Variants in SP140 observed in about 807,000 individuals in gnomAD.
The protein encoded by SP140 is SP140 nuclear body protein.
Under a neutral mutation model 125.0 loss-of-function variants are expected in SP140, and 81 were observed. The ratio of observed to expected loss-of-function variants is 0.65; its 90% confidence interval spans 0.54 to 0.78. The LOEUF (loss-of-function observed/expected upper bound fraction) is 0.78, where lower values mean the gene tolerates loss of function less well. SP140 is among the 30% of genes least tolerant of loss of function. The probability of loss-of-function intolerance (pLI) is 0.00; values close to 1 mark genes in which losing one functional copy is unlikely to be tolerated. For synonymous variants in SP140, 312 were observed against 354.0 expected (o/e 0.88, Z 1.33); for missense variants, 858 against 1,037.0 (o/e 0.83, Z 2.37).
downstream of SP140, among the ~76,000 whole-genome samples, chr2:230,315,405 A>G (rs1317553802): frequency 2.6e-5 from 4 of 152,260 alleles, no homozygotes; most frequent in Non-Finnish European, 2.9e-5. Flanking sequence ...AGTTGATGCT[A>G]ATCCCTGGGG....
At position 230,299,608 on chromosome 2, in the gene SP140, G is replaced by A. The variant is rs1327832306; in HGVS notation, c.2058+2146G>A. Among the ~76,000 whole-genome samples, 4 of 152,330 alleles carry A rather than the reference G, an allele frequency of 2.6e-5. No homozygotes were observed. The East Asian group carries it at 5.8e-4, about 22-fold the overall frequency. On this transcript the variant is annotated intron_variant, in intron 22 of 26. Transcript: ENST00000392045. ...ATTTTCCTGGTCAGAATCTGGGGGTGTGAACCTGAAGTACAGATATAAGTG... is the reference window on the plus strand; with the variant it reads ...ATTTTCCTGGTCAGAATCTGGGGGTATGAACCTGAAGTACAGATATAAGTG...
At chr2:230,251,596 G>T (rs1297447480) in intron 10 of SP140, among the ~76,000 whole-genome samples, 1 of 152,090 alleles carries the variant, frequency 6.6e-6, no homozygotes. Flanking sequence ...GAATGAAAAA[G>T]CTTATCATCC....
At chr2:230,241,243 T>G (rs2048682657) in intron 3 of SP140, among the ~76,000 whole-genome samples, 161 bp from the exon 4 acceptor site, 1 of 152,110 alleles carries the variant, frequency 6.6e-6, no homozygotes. Flanking sequence ...TGATTTACAC[T>G]TAAGATATGT....
At chr2:230,269,486 C>A in intron 12 of SP140, 46 bp from the exon 13 acceptor site, 11 of 1,184,664 alleles carry the variant, frequency 9.3e-6, no homozygotes, top group South Asian at 2.4e-5. Context: ...CTTCTGTGGT[C>A]ATTGTCTCAG....
intron 1 of SP140, chr2:230,212,947 G>A (rs1225041372): frequency 6.2e-7 from 1 of 1,613,948 alleles, no homozygotes; most frequent in African/African-American, 1.3e-5. Context: ...GGGGTATGGA[G>A]GGAGCTTCCT....
intron 21 of SP140, 143 bp from the exon 22 acceptor site, chr2:230,297,278 G>A: frequency 2.2e-6 from 2 of 914,756 alleles, no homozygotes; most frequent in South Asian, 1.8e-5. Flanking sequence ...AGCCACCCCA[G>A]CCTACTGGCC....
At position 230,211,407 on chromosome 2, in the gene SP140, G is replaced by A. The variant is rs1318210454; in HGVS notation, c.-322-2247G>A. The A allele has an allele frequency of 9.5e-7, 1 of 1,057,006 alleles. No homozygotes were observed. Among genetic ancestry groups the A allele is most frequent in the Non-Finnish European group, 1.5e-6 (1 of 672,062 alleles). 65.5% of individuals were successfully genotyped at this position (1,057,006 alleles called of 1,614,324 possible). ...GCCCCCTCTCTAGAAGATCCGAATGGCTTTTCCTCTTAGTAAACACAGAAA... is the reference window on the plus strand; with the variant it reads ...GCCCCCTCTCTAGAAGATCCGAATGACTTTTCCTCTTAGTAAACACAGAAA... On this transcript the variant is annotated intron_variant, in intron 1 of 4. Coordinates refer to the SP140 transcript ENST00000456542. This position sits in a 1 kb window ranked among gnomAD's most constrained non-coding sequence, Gnocchi z 4.2.
At chr2:230,216,173 T>C (rs1167354551) in intron 3 of SP140, among the ~76,000 whole-genome samples, 1 of 152,238 alleles carries the variant, frequency 6.6e-6, no homozygotes. Flanking sequence ...GAGTTGAATG[T>C]TGGATGGATA....
intron 15 of SP140, among the ~76,000 whole-genome samples, chr2:230,274,177 G>A (rs1439890043): frequency 6.6e-6 from 1 of 151,844 alleles, no homozygotes; most frequent in African/African-American, 2.4e-5. Flanking sequence ...CATGTCTAAT[G>A]GAGGAAATCA....
intron 11 of SP140, among the ~76,000 whole-genome samples, chr2:230,255,078 A>G (rs1404283932): frequency 6.6e-6 from 1 of 152,166 alleles, no homozygotes; most frequent in African/African-American, 2.4e-5. Flanking sequence ...TCAGGGGTGC[A>G]AGAGAAAAGG....
intron 7 of SP140, 106 bp downstream of exon 7, chr2:230,246,046 T>C (rs1227705989): frequency 3.0e-6 from 2 of 677,224 alleles, no homozygotes; most frequent in Non-Finnish European, 2.7e-6. Flanking sequence ...TTCATCCATA[T>C]ATCCATCCAT....
At chr2:230,271,856 T>C (rs754461218) in intron 15 of SP140, among the ~76,000 whole-genome samples, 45 of 152,154 alleles carry the variant, frequency 3.0e-4, no homozygotes, top group Non-Finnish European at 5.3e-4. Flanking sequence ...CCCTGGGAAG[T>C]AGTGAAAGGT....
chr2:230,312,485 CT>C lies in SP140; in HGVS notation c.2506-91del, dbSNP rs3086614. 9.2e-3 allele frequency: 6,123 copies of C among 665,300 alleles called. 1 individual carries two copies. Among genetic ancestry groups the C allele is most frequent in the East Asian group, 0.022 (657 of 29,628 alleles). 41.2% of individuals were successfully genotyped at this position (665,300 alleles called of 1,614,324 possible). A position where few individuals can be genotyped will look rare whatever the true frequency, so the allele number is the denominator to read the frequency against. ...CATTATAAATTGTAGACTTACAGTA[CT>C]TTTTTTTTTAAAGACAAGAGTCCTG... On this transcript the variant is annotated intron_variant, in intron 26 of 26. Transcript: ENST00000392045.
intron 1 of SP140, among the ~76,000 whole-genome samples, chr2:230,226,867 T>C (rs957830803): frequency 6.6e-6 from 1 of 151,882 alleles, no homozygotes; most frequent in Non-Finnish European, 1.5e-5. Context: ...AAATATTTTC[T>C]AAAAATTAAA....
chr2:230,192,911 TTC>T, the SP140 span, among the ~76,000 whole-genome samples: 1 of 152,222 alleles, frequency 6.6e-6, no homozygotes, highest in African/African-American at 2.4e-5. Context: ...TTTTTTGACT[TTC>T]TGTCTCAATG....
chr2:230,231,439 G>T (rs1302858799), intron 1 of SP140, among the ~76,000 whole-genome samples: 3 of 152,136 alleles, frequency 2.0e-5, no homozygotes, highest in Non-Finnish European at 4.4e-5. Flanking sequence ...GTTTGTTCTA[G>T]CTGTAGGTGG....
At chr2:230,234,926 T>C (rs1401422263) in intron 1 of SP140, 1 of 152,254 alleles carries the variant, frequency 6.6e-6, no homozygotes, top group Non-Finnish European at 1.5e-5. Flanking sequence ...GTTTTACTCC[T>C]TAATGTTGTA....
At chr2:230,239,530 T>C (rs2048424507) in intron 3 of SP140, among the ~76,000 whole-genome samples, 1 of 152,226 alleles carries the variant, frequency 6.6e-6, no homozygotes, top group Non-Finnish European at 1.5e-5. Flanking sequence ...TACTGCAACC[T>C]CCACCTCCTG....
At chr2:230,217,411 A>T (rs917069895) in intron 3 of SP140, among the ~76,000 whole-genome samples, 2 of 152,164 alleles carry the variant, frequency 1.3e-5, no homozygotes, top group Non-Finnish European at 2.9e-5. Flanking sequence ...GGAAACAAGG[A>T]CAATTCCCAG....
Sources: allele counts gnomAD v4.1 joint callset (sites outside exome capture counted in the v4.1 genomes callset), GRCh38; gene constraint gnomAD v4.1.1; non-coding constraint Gnocchi (gnomAD v3.1); transcripts MANE v1.5; gene names NCBI Gene and HGNC (gene_info 2026-07-23, HGNC 2026-07-21).